Variants in FAM168A observed in about 807,000 individuals in gnomAD.
The protein encoded by FAM168A is protein FAM168A.
Under a neutral mutation model 28.5 loss-of-function variants are expected in FAM168A, and 3 were observed. The observed-to-expected ratio is 0.11, with a 90% confidence interval of 0.05 to 0.27. FAM168A has a LOEUF of 0.27. Ranked by LOEUF, FAM168A falls within the 10% of genes least tolerant of loss-of-function variation. The pLI is 1.00. For missense variants in FAM168A, 222 were observed against 311.5 expected, an observed-to-expected ratio of 0.71 and a Z score of 2.16; for synonymous variants, 122 against 124.2, an observed-to-expected ratio of 0.98 and a Z score of 0.12.
chr11:73,567,136 T>G (rs1590735345), intron 1 of FAM168A, among the ~76,000 whole-genome samples: 5 of 151,982 alleles, frequency 3.3e-5, no homozygotes, highest in Admixed American at 3.3e-4. Context: ...CTGCTGAGAG[T>G]CTGAGCTAAG....
chr11:73,513,205 ATTT>A (rs1046600591), intron 1 of FAM168A, among the ~76,000 whole-genome samples: 1 of 109,354 alleles, frequency 9.1e-6, no homozygotes. Flanking sequence ...TTTTTTTTTA[ATTT>A]TTTTTTTTTT....
chr11:73,407,783 T>G, intron 6 of FAM168A, 140 bp from the exon 7 acceptor site: 2 of 680,080 alleles, frequency 2.9e-6, no homozygotes, highest in Non-Finnish European at 2.5e-6. Flanking sequence ...TGACCTGTTT[T>G]CTGCCCTTCT....
intron 1 of FAM168A, among the ~76,000 whole-genome samples, chr11:73,558,735 A>G (rs1241598979): frequency 6.6e-6 from 1 of 152,198 alleles, no homozygotes; most frequent in African/African-American, 2.4e-5. Flanking sequence ...AGTCAAAACC[A>G]TAAGATATAT....
At chr11:73,550,087 A>G (rs1240490944) in intron 1 of FAM168A, among the ~76,000 whole-genome samples, 1 of 152,268 alleles carries the variant, frequency 6.6e-6, no homozygotes, top group Non-Finnish European at 1.5e-5. Flanking sequence ...ATGAATGAAC[A>G]TATCCTCAGA....
intron 1 of FAM168A, among the ~76,000 whole-genome samples, chr11:73,496,629 C>T (rs1204792126): frequency 1.3e-5 from 2 of 152,194 alleles, no homozygotes; most frequent in East Asian, 1.9e-4. Context: ...GGCGCGATCT[C>T]GGCTTGCTGC....
intron 1 of FAM168A, among the ~76,000 whole-genome samples, chr11:73,513,000 T>A (rs1240548390): frequency 2.0e-5 from 3 of 152,116 alleles, no homozygotes; most frequent in African/African-American, 7.2e-5. Flanking sequence ...ATGCACTATG[T>A]AAAGATATTG....
intron 1 of FAM168A, among the ~76,000 whole-genome samples, chr11:73,483,429 A>C (rs1320705066): frequency 3.3e-5 from 5 of 152,234 alleles, no homozygotes; most frequent in African/African-American, 1.2e-4. Context: ...AAACAGAAAT[A>C]CTACCACTTA....
chr11:73,523,105 C>A (rs976106109), intron 1 of FAM168A, among the ~76,000 whole-genome samples: 1 of 152,082 alleles, frequency 6.6e-6, no homozygotes. Flanking sequence ...ACATCACCAG[C>A]AAACACTCCA....
At chr11:73,546,804 T>C (rs1340228479) in intron 1 of FAM168A, among the ~76,000 whole-genome samples, 1 of 151,556 alleles carries the variant, frequency 6.6e-6, no homozygotes, top group African/African-American at 2.4e-5. Context: ...ATCTCGACTG[T>C]GGTGTGGTGA....
At chr11:73,452,605 C>T (rs942687481) in intron 2 of FAM168A, among the ~76,000 whole-genome samples, 1 of 152,056 alleles carries the variant, frequency 6.6e-6, no homozygotes, top group Non-Finnish European at 1.5e-5. Flanking sequence ...CCATAGGACC[C>T]TGGTGTTCTG....
Position 73,404,954 on chromosome 11 carries a change from G to A in FAM168A, c.*1809C>T, listed in dbSNP as rs556161089. On this transcript the variant is annotated 3_prime_UTR_variant, in exon 8 of 8. Transcript: ENST00000356467. ...AGAGGGGCTGCTGGCCCAGCCAAGC[G>A]CTGGGTGCCGGAGGCTGCTGCTGGG... 9 of 152,382 alleles carry A rather than the reference G, an allele frequency of 5.9e-5. No homozygotes were observed. The highest frequency in any genetic ancestry group is 1.4e-4 in the African/African-American group (6 of 41,592). The allele number at this position is 152,382 out of a possible 1,614,324, so 9.4% of individuals were successfully genotyped here.
At chr11:73,589,737 G>T (rs1345766760) in intron 1 of FAM168A, among the ~76,000 whole-genome samples, 2 of 152,106 alleles carry the variant, frequency 1.3e-5, no homozygotes, top group Non-Finnish European at 2.9e-5. Flanking sequence ...GACCAGCCTG[G>T]GCAAGATGCT....
intron 2 of FAM168A, among the ~76,000 whole-genome samples, chr11:73,437,429 A>C (rs1867109972): frequency 7.9e-6 from 1 of 126,046 alleles, no homozygotes; most frequent in South Asian, 2.6e-4. Flanking sequence ...TTTGAGACAG[A>C]GTCTCACTCT....
intron 1 of FAM168A, among the ~76,000 whole-genome samples, chr11:73,562,588 A>G (rs1943972348): frequency 6.6e-6 from 1 of 152,162 alleles, no homozygotes; most frequent in Non-Finnish European, 1.5e-5. Context: ...GAACTTTGGG[A>G]GGCTGAGGCA....
intron 1 of FAM168A, among the ~76,000 whole-genome samples, chr11:73,588,353 G>A (rs1176689274): frequency 6.6e-6 from 1 of 152,126 alleles, no homozygotes; most frequent in African/African-American, 2.4e-5. Context: ...GAGATGAGTG[G>A]TGATATTAAC....
intron 1 of FAM168A, among the ~76,000 whole-genome samples, chr11:73,499,180 C>T (rs929526952): frequency 6.6e-6 from 1 of 152,114 alleles, no homozygotes; most frequent in Admixed American, 6.5e-5. Flanking sequence ...CTTCCAGCCT[C>T]CTTCAGTGAC....
intron 1 of FAM168A, among the ~76,000 whole-genome samples, chr11:73,490,013 C>G (rs1171257757): frequency 6.6e-6 from 1 of 152,218 alleles, no homozygotes; most frequent in South Asian, 2.1e-4. Context: ...AACCAAATAC[C>G]ATCTACATTT....
At chr11:73,411,307 C>T in intron 5 of FAM168A, 87 bp downstream of exon 5, 1 of 1,433,902 alleles carries the variant, frequency 7.0e-7, no homozygotes, top group Non-Finnish European at 9.4e-7. Flanking sequence ...CCTCTCCTTC[C>T]CTCACTTCCT....
At chr11:73,492,448 C>T (rs1320907589) in intron 1 of FAM168A, among the ~76,000 whole-genome samples, 1 of 152,018 alleles carries the variant, frequency 6.6e-6, no homozygotes, top group African/African-American at 2.4e-5. Context: ...GAGTTCAAGA[C>T]CAGCATGGTG....
Sources: allele counts gnomAD v4.1 joint callset (sites outside exome capture counted in the v4.1 genomes callset), GRCh38; gene constraint gnomAD v4.1.1; transcripts MANE v1.5; gene names NCBI Gene and HGNC (gene_info 2026-07-23, HGNC 2026-07-21).